The following FMOD variants were observed in gnomAD, a reference collection of about 807,000 sequenced individuals.
FMOD encodes fibromodulin, also known as KSPG fibromodulin.
A neutral mutation model predicts 27.0 loss-of-function variants in FMOD; 15 were observed. The observed-to-expected ratio is 0.55, with a 90% CI of 0.37 to 0.85. The LOEUF is 0.85. FMOD is among the 40% of genes least tolerant of loss of function. The probability of loss-of-function intolerance (pLI) is 0.00; values close to 1 mark genes in which losing one functional copy is unlikely to be tolerated. For missense variants in FMOD, 460 were observed against 483.2 expected (o/e 0.95, Z 0.45); for synonymous variants, 210 against 214.0 (o/e 0.98, Z 0.16).
In FMOD at chr1:203,347,542, G is replaced by A. The variant is rs751593122; in HGVS notation, c.729C>T (p.Pro243=). ...NHLRKVPDGL[P]SALEQLYMEH... is the part of the protein sequence containing the mutation. ...CCATGTACAGCTGCTCAAGAGCTGA[G>A]GGCAGCCCATCAGGCACCTTCCGAA... is the stretch of plus-strand genomic sequence containing the variant. Residue 243 remains proline (P), a synonymous_variant, in exon 2 of 3, where the codon CCC becomes CCT. Coordinates refer to ENST00000354955, the MANE Select transcript of FMOD (RefSeq NM_002023.5). The A allele has an allele frequency of 1.2e-6, 2 of 1,614,204 alleles. No homozygotes were observed. Among genetic ancestry groups the A allele is most frequent in the Non-Finnish European group, 1.7e-6 (2 of 1,180,026 alleles).
chr1:203,347,196 T>C, intron 2 of FMOD, 96 bp downstream of exon 2: 5 of 1,436,316 alleles, frequency 3.5e-6, no homozygotes, highest in Non-Finnish European at 4.7e-6. Context: ...CTGGTTCCCC[T>C]ATTTCTATTT....
At position 203,343,225 on chromosome 1, in the gene FMOD, T is replaced by C. The variant is rs563229140; in HGVS notation, c.980-731A>G. 7.6e-4 allele frequency among the ~76,000 whole-genome samples: 116 copies of C among 152,338 alleles called. 1 individual carries two copies. Among genetic ancestry groups the C allele is most frequent in the African/African-American group, 2.7e-3 (112 of 41,572 alleles). ...CCTTTTTTAAACCTGAAAAGAAGTCTCCTAAGATTTTCCCCTAAACCGCAG... is the reference window on the plus strand; with the variant it reads ...CCTTTTTTAAACCTGAAAAGAAGTCCCCTAAGATTTTCCCCTAAACCGCAG... On this transcript the variant is annotated intron_variant, in intron 2 of 2. Transcript: ENST00000354955.
chr1:203,344,425 G>A (rs1003598480), intron 2 of FMOD, among the ~76,000 whole-genome samples: 1 of 152,172 alleles, frequency 6.6e-6, no homozygotes, highest in Non-Finnish European at 1.5e-5. Flanking sequence ...CCCATGAATA[G>A]GACAGGCTTC....
chr1:203,342,498 TG>T lies in FMOD; in HGVS notation c.980-5del. The T allele has an allele frequency of 6.2e-7, 1 of 1,612,994 alleles. No homozygotes were observed. The highest frequency in any genetic ancestry group is 8.5e-7 in the Non-Finnish European group (1 of 1,179,280). ...CAGAAGCTGCTGATGGAGAACTCTG[TG>T]GGGACAAGAGGAGCACGGGTCAGGG... On this transcript the variant is annotated splice_region_variant and splice_polypyrimidine_tract_variant and intron_variant, in intron 2 of 2. Transcript: ENST00000354955.
At chr1:203,343,797 T>A (rs896426653) in intron 2 of FMOD, among the ~76,000 whole-genome samples, 3 of 152,140 alleles carry the variant, frequency 2.0e-5, no homozygotes, top group Non-Finnish European at 4.4e-5. Context: ...AGAAGACAGT[T>A]CCAAGAAAGA....
intron 2 of FMOD, among the ~76,000 whole-genome samples, chr1:203,345,287 G>A (rs1658868514): frequency 6.6e-6 from 1 of 152,182 alleles, no homozygotes; most frequent in African/African-American, 2.4e-5. Context: ...GCGTCTGGAA[G>A]AGGTGGTCCA....
At chr1:203,348,375 G>C (rs1658934455) in intron 1 of FMOD, 98 bp from the exon 2 acceptor site, 1 of 1,257,726 alleles carries the variant, frequency 8.0e-7, no homozygotes, top group African/African-American at 1.5e-5. Context: ...GAGCTATGCA[G>C]AGCTGACTTC....
chr1:203,347,195 C>G (rs1402070039), intron 2 of FMOD, 97 bp downstream of exon 2: 5 of 1,433,064 alleles, frequency 3.5e-6, no homozygotes, highest in Non-Finnish European at 4.7e-6. Context: ...TCTGGTTCCC[C>G]TATTTCTATT....
At chr1:203,344,139 G>A (rs962328246) in intron 2 of FMOD, among the ~76,000 whole-genome samples, 8 of 152,182 alleles carry the variant, frequency 5.3e-5, no homozygotes, top group Admixed American at 5.2e-4. Context: ...GACCGGGGCT[G>A]GGTCTATGTT....
intron 2 of FMOD, among the ~76,000 whole-genome samples, chr1:203,346,094 G>A (rs1261631804): frequency 1.3e-5 from 2 of 152,060 alleles, no homozygotes; most frequent in Non-Finnish European, 2.9e-5. Flanking sequence ...TGCCCTCTGG[G>A]GCTGGTGCCT....
intron 1 of FMOD, among the ~76,000 whole-genome samples, chr1:203,349,589 GAGAA>G (rs965720553): frequency 6.6e-6 from 1 of 152,218 alleles, no homozygotes. Flanking sequence ...CCCTTGGACA[GAGAA>G]ACCTTAGAAT....
At chr1:203,342,612 G>A in intron 2 of FMOD, 118 bp from the exon 3 acceptor site, 1 of 981,958 alleles carries the variant, frequency 1.0e-6, no homozygotes, top group Non-Finnish European at 1.5e-6. Flanking sequence ...TGGGGATGGA[G>A]GGCAGATGTT....
Position 203,348,206 on chromosome 1 carries a change from T to A in FMOD, c.65A>T (p.Asp22Val), listed in dbSNP as rs1306300900. Residue 22 changes from aspartate (D) to valine (V), a missense_variant, in exon 2 of 3, where the codon GAT becomes GTT. Transcript: ENST00000354955. The part of the protein sequence containing the change: ...LFSLSQAQYE[D>V]DPHWWFHYLR... Reference sequence around the variant, plus strand: ...GTAGTGGAACCACCAATGAGGGTCATCTTCATACTGGGCCTGGGAGAGGGA... The same window carrying A: ...GTAGTGGAACCACCAATGAGGGTCAACTTCATACTGGGCCTGGGAGAGGGA... 2.5e-6 allele frequency: 4 copies of A among 1,614,038 alleles called. No homozygotes were observed. In the African/African-American group the frequency reaches 5.3e-5, roughly 22 times the overall value.
intron 2 of FMOD, among the ~76,000 whole-genome samples, chr1:203,342,945 G>A (rs904769271): frequency 6.6e-6 from 1 of 152,198 alleles, no homozygotes; most frequent in East Asian, 1.9e-4. Context: ...GGAAATGGAG[G>A]GACTTAATAC....
chr1:203,343,443 T>C (rs762339658), intron 2 of FMOD, among the ~76,000 whole-genome samples: 7 of 152,210 alleles, frequency 4.6e-5, no homozygotes, highest in East Asian at 1.9e-4. Flanking sequence ...AAAGTCACCA[T>C]TGAAAGCTGA....
Position 203,347,564 on chromosome 1 carries a change from C to T in FMOD, c.707G>A (p.Arg236Gln), listed in dbSNP as rs143390804. 4.2e-5 allele frequency: 68 copies of T among 1,614,050 alleles called. No homozygotes were observed. Among genetic ancestry groups the T allele is most frequent in the Non-Finnish European group, 5.2e-5 (61 of 1,180,034 alleles). ...ILLDLSYNHL[R>Q]KVPDGLPSAL... ...TGAGGGCAGCCCATCAGGCACCTTCCGAAGGTGGTTATAACTCAGGTCCAG... is the reference window on the plus strand; with the variant it reads ...TGAGGGCAGCCCATCAGGCACCTTCTGAAGGTGGTTATAACTCAGGTCCAG... Residue 236 changes from arginine (R) to glutamine (Q), a missense_variant, in exon 2 of 3, where the codon CGG becomes CAG. Transcript: ENST00000354955.
At position 203,348,046 on chromosome 1, in the gene FMOD, G is replaced by T. The variant is rs772464229; in HGVS notation, c.225C>A (p.Asp75Glu). 7.4e-6 allele frequency: 12 copies of T among 1,612,788 alleles called. No homozygotes were observed. The highest frequency in any genetic ancestry group is 1.0e-5 in the Non-Finnish European group (12 of 1,179,180). Residue 75 changes from aspartate to glutamate, a missense_variant, in exon 2 of 3, where the codon GAC becomes GAA. Physicochemically the swap from Asp to Glu is conservative, Grantham distance 45. Coordinates refer to ENST00000354955, the MANE Select transcript of FMOD (RefSeq NM_002023.5). ...GTGGGCAGTCGCACTCCTGGGGGCA[G>T]TCGCGGGGATCTGGAGGGGATGGAG... ...YGSPSPPDPR[D>E]CPQECDCPPN...
In FMOD at chr1:203,347,292, C is replaced by A; in HGVS notation, c.979G>T (p.Glu327Ter). ...NLYLQGNRINEFSISSFCTVV... is the reference protein window; with the variant it reads ...NLYLQGNRIN ...CCGCCTCCCTTTGCCAAGGTCTCACCATTGATCCTATTGCCTTGGAGGTAG... is the reference window on the plus strand; with the variant it reads ...CCGCCTCCCTTTGCCAAGGTCTCACAATTGATCCTATTGCCTTGGAGGTAG... The change falls in exon 2 of 3, where the codon GAG becomes TAG. Residue 327 changes from glutamate to a stop codon, truncating the protein, a stop_gained and splice_region_variant. Coordinates refer to ENST00000354955, the MANE Select transcript of FMOD (RefSeq NM_002023.5). LOFTEE classifies it high-confidence loss of function. The A allele has an allele frequency of 1.2e-6, 2 of 1,607,796 alleles. No homozygotes were observed. The highest frequency in any genetic ancestry group is 1.1e-5 in the South Asian group (1 of 89,690).
chr1:203,345,608 A>G (rs1053809097), intron 2 of FMOD, among the ~76,000 whole-genome samples: 1 of 152,192 alleles, frequency 6.6e-6, no homozygotes, highest in African/African-American at 2.4e-5. Flanking sequence ...AACATCTTCA[A>G]GATGTCTTGG....
Sources: allele counts gnomAD v4.1 joint callset (sites outside exome capture counted in the v4.1 genomes callset), GRCh38; gene constraint gnomAD v4.1.1; transcripts MANE v1.5; gene names NCBI Gene and HGNC (gene_info 2026-07-23, HGNC 2026-07-21).